SCML2: variants seen among roughly 807,000 people sequenced by gnomAD.
The protein encoded by SCML2 is Scm polycomb group protein like 2.
Under a neutral mutation model 48.4 loss-of-function variants are expected in SCML2, and 6 were observed. The ratio of observed to expected loss-of-function variants is 0.12; its 90% CI spans 0.07 to 0.24. The LOEUF (loss-of-function observed/expected upper bound fraction) is 0.24. SCML2 is among the 10% of genes least tolerant of loss of function. The probability of loss-of-function intolerance (pLI) is 1.00; values close to 1 mark genes in which losing one functional copy is unlikely to be tolerated. For synonymous variants in SCML2, 181 were observed against 189.5 expected (o/e 0.95, Z 0.37); for missense variants, 377 against 528.2 (o/e 0.71, Z 2.81).
chrX:18,285,782 T>C (rs73636678), intron 7 of SCML2, among the ~76,000 whole-genome samples: 1,220 of 111,984 alleles, frequency 0.011, 19 homozygotes, highest in African/African-American at 0.038. Flanking sequence ...AGAAAAACTA[T>C]TGCACCAAAT....
At chrX:18,294,297 C>T (rs751613297) in intron 7 of SCML2, among the ~76,000 whole-genome samples, 3 of 111,089 alleles carry the variant, frequency 2.7e-5, no homozygotes, top group Non-Finnish European at 3.8e-5. Context: ...AGAGGAAACA[C>T]CCGAGGCATG....
chrX:18,309,435 T>C (rs1370331067), intron 6 of SCML2, among the ~76,000 whole-genome samples: 1 of 111,826 alleles, frequency 8.9e-6, no homozygotes, highest in Non-Finnish European at 1.9e-5. Flanking sequence ...ACTGGGTATA[T>C]ACCCAAAGGA....
intron 6 of SCML2, among the ~76,000 whole-genome samples, chrX:18,316,550 A>C (rs1236422518): frequency 1.8e-5 from 2 of 112,297 alleles, no homozygotes; most frequent in African/African-American, 3.2e-5. Flanking sequence ...CCTCCAAAAA[A>C]AGAGTCATGA....
intron 8 of SCML2, among the ~76,000 whole-genome samples, chrX:18,261,865 T>C (rs1194787079): frequency 3.6e-5 from 4 of 110,266 alleles, no homozygotes; most frequent in Non-Finnish European, 7.5e-5. Flanking sequence ...TACTTTTATT[T>C]TTCATTTAAA....
intron 1 of SCML2, among the ~76,000 whole-genome samples, chrX:18,343,951 GA>G (rs1930116430): frequency 2.2e-5 from 2 of 90,714 alleles, no homozygotes; most frequent in African/African-American, 4.1e-5. Context: ...AAGAAAGAAA[GA>G]AAAGAAAAGA....
rs1926467515 is a variant in SCML2, at chrX:18,246,902, T to A, written c.1571-74A>T. 7.9e-6 allele frequency: 8 copies of A among 1,018,455 alleles called. No individual in the cohort carries two copies. In the South Asian group the frequency reaches 1.8e-4, roughly 23 times the overall value. 83.9% of individuals were successfully genotyped at this position (1,018,455 alleles called of 1,213,427 possible). ...AAATACTACTAAAAGGTTAAAAATC[T>A]CATCCCTAGCAATAGTTCACTTAAC... On this transcript the variant is annotated intron_variant, in intron 12 of 14. Coordinates refer to ENST00000251900, the MANE Select transcript of SCML2 (RefSeq NM_006089.3).
intron 7 of SCML2, among the ~76,000 whole-genome samples, chrX:18,266,125 G>A (rs1180156474): frequency 1.8e-5 from 2 of 111,223 alleles, no homozygotes; most frequent in African/African-American, 3.3e-5. Context: ...ACAAAAAGGA[G>A]TCTTTCCTTC....
chrX:18,249,291 A>T (rs982853321), intron 11 of SCML2, among the ~76,000 whole-genome samples: 1 of 110,945 alleles, frequency 9.0e-6, no homozygotes, highest in African/African-American at 3.3e-5. Context: ...AATCCCCCTC[A>T]CCCCATTTTC....
At position 18,268,946 on chromosome X, in the gene SCML2, T is replaced by C. The variant is rs1479113652; in HGVS notation, c.731-3144A>G. 5.4e-5 allele frequency among the ~76,000 whole-genome samples: 6 copies of C among 111,130 alleles called. No homozygotes were observed. In the Admixed American group the frequency reaches 5.7e-4, roughly 11 times the overall value. On this transcript the variant is annotated intron_variant, in intron 7 of 14. Transcript: ENST00000251900. ...CTTGCTGTCTCTTACTACTTTCACA[T>C]ATCCCTTATTTTGAAGTTACCTCCC...
chrX:18,330,692 AG>A, intron 2 of SCML2, 37 bp from the exon 3 acceptor site: 1 of 873,722 alleles, frequency 1.1e-6, no homozygotes, highest in Non-Finnish European at 1.6e-6. Flanking sequence ...GGGAGTCCAC[AG>A]CAACAGCTTG....
intron 7 of SCML2, among the ~76,000 whole-genome samples, chrX:18,268,906 C>G (rs1188192404): frequency 1.8e-5 from 2 of 111,443 alleles, no homozygotes; most frequent in African/African-American, 3.3e-5. Context: ...TATTTGATCA[C>G]TCAATCCCCA....
intron 7 of SCML2, among the ~76,000 whole-genome samples, chrX:18,292,223 C>T (rs1196409877): frequency 8.9e-6 from 1 of 111,831 alleles, no homozygotes; most frequent in Non-Finnish European, 1.9e-5. Context: ...CTTTCACCTA[C>T]TTCTGAGGTT....
intron 8 of SCML2, 30 bp downstream of exon 8, chrX:18,265,555 T>C (rs1927227597): frequency 1.9e-6 from 2 of 1,077,428 alleles, no homozygotes; most frequent in Non-Finnish European, 1.3e-6. Flanking sequence ...TAAAAACCTA[T>C]AATACAAATT....
chrX:18,247,732 T>A, intron 12 of SCML2, 37 bp downstream of exon 12: 1 of 1,000,291 alleles, frequency 1.0e-6, no homozygotes, highest in South Asian at 2.0e-5. Flanking sequence ...CAGAGAAACA[T>A]TTCTTCCCAG....
chrX:18,309,062 T>C (rs749912780), intron 6 of SCML2, among the ~76,000 whole-genome samples: 6 of 109,434 alleles, frequency 5.5e-5, no homozygotes, highest in South Asian at 8.2e-4. Context: ...TACAAAAAAT[T>C]TGCCAGGCAT....
intron 5 of SCML2, among the ~76,000 whole-genome samples, chrX:18,322,645 G>T (rs1929357047): frequency 8.9e-6 from 1 of 111,808 alleles, no homozygotes; most frequent in Non-Finnish European, 1.9e-5. Flanking sequence ...TGTAATCCCA[G>T]CACTTTGGGA....
intron 7 of SCML2, among the ~76,000 whole-genome samples, chrX:18,268,654 T>C (rs950550156): frequency 1.8e-5 from 2 of 109,680 alleles, no homozygotes; most frequent in Non-Finnish European, 3.8e-5. Context: ...CATTGGGAGA[T>C]ATACCTAATG....
intron 2 of SCML2, among the ~76,000 whole-genome samples, chrX:18,332,149 G>T (rs1379684031): frequency 8.9e-6 from 1 of 112,348 alleles, no homozygotes; most frequent in African/African-American, 3.2e-5. Context: ...CTTCTATAGA[G>T]AGAAGCTTCC....
At chrX:18,347,941 A>G (rs1162938502) in intron 1 of SCML2, among the ~76,000 whole-genome samples, 2 of 110,930 alleles carry the variant, frequency 1.8e-5, no homozygotes, top group African/African-American at 6.5e-5. Flanking sequence ...GTCAAAACAA[A>G]CCTAAGAAGG....
Sources: allele counts gnomAD v4.1 joint callset (sites outside exome capture counted in the v4.1 genomes callset), GRCh38; gene constraint gnomAD v4.1.1; transcripts MANE v1.5; gene names NCBI Gene and HGNC (gene_info 2026-07-23, HGNC 2026-07-21).